The following GUCA1C variants were observed in gnomAD, a reference collection of about 807,000 sequenced individuals.
The protein encoded by GUCA1C is guanylate cyclase activator 1C, also known as guanylyl cyclase-activating protein 3.
In GUCA1C, 15 loss-of-function variants were observed where a neutral mutation model predicts 16.2. The ratio of observed to expected loss-of-function variants is 0.93; its 90% confidence interval spans 0.62 to 1.43. The LOEUF (loss-of-function observed/expected upper bound fraction) is 1.43. Ranked by LOEUF, GUCA1C falls within the 40% of genes most tolerant of loss-of-function variation. The probability of loss-of-function intolerance (pLI) is 0.00; values close to 1 mark genes in which losing one functional copy is unlikely to be tolerated. For synonymous variants in GUCA1C, 78 were observed against 85.4 expected (o/e 0.91, Z 0.48); for missense variants, 275 against 244.8 (o/e 1.12, Z -0.82).
In GUCA1C at chr3:108,920,736, A is replaced by T. The variant is rs112167709; in HGVS notation, c.205-151T>A. 4.1e-3 allele frequency: 2,273 copies of T among 550,010 alleles called. 43 individuals carry two copies. The highest frequency in any genetic ancestry group is 0.037 in the African/African-American group (1,884 of 50,624). The allele number at this position is 550,010 out of a possible 1,614,324, so 34.1% of individuals were successfully genotyped here. On this transcript the variant is annotated intron_variant, in intron 1 of 3. Transcript: ENST00000261047. Reference sequence around the variant, plus strand: ...AAAACTTTTCCCTAGTGTTTCATTTAAAAAAAAGTTTATAGACACAAGTGA... The same window carrying T: ...AAAACTTTTCCCTAGTGTTTCATTTTAAAAAAAGTTTATAGACACAAGTGA...
chr3:108,920,735 T>G (rs553660612), intron 1 of GUCA1C, 150 bp from the exon 2 acceptor site: 9 of 562,162 alleles, frequency 1.6e-5, no homozygotes, highest in Non-Finnish European at 2.5e-5. Flanking sequence ...GTGTTTCATT[T>G]AAAAAAAAGT....
At chr3:108,954,989 C>A (rs371037930), upstream of GUCA1C, among the ~76,000 whole-genome samples, 1 of 152,256 alleles carries the variant, frequency 6.6e-6, no homozygotes, top group East Asian at 1.9e-4. Context: ...GCCTCAGCCT[C>A]CCAAAGTGCT....
At chr3:108,923,761 T>C in intron 1 of GUCA1C, among the ~76,000 whole-genome samples, 1 of 152,340 alleles carries the variant, frequency 6.6e-6, no homozygotes. Context: ...ATTTTCACAA[T>C]ATTGATTCTA....
intron 3 of GUCA1C, among the ~76,000 whole-genome samples, chr3:108,911,776 G>C (rs1245410276): frequency 1.3e-5 from 2 of 152,010 alleles, no homozygotes; most frequent in Non-Finnish European, 2.9e-5. Flanking sequence ...TTTGTGTCCT[G>C]ACTTTGTTCT....
chr3:108,917,479 G>A (rs1946529303), intron 2 of GUCA1C, among the ~76,000 whole-genome samples: 2 of 152,044 alleles, frequency 1.3e-5, no homozygotes, highest in Admixed American at 6.6e-5. Context: ...TAGGCAAGAA[G>A]CTTTTTTTTC....
chr3:108,919,965 C>T (rs2107283681), intron 2 of GUCA1C, among the ~76,000 whole-genome samples: 1 of 152,212 alleles, frequency 6.6e-6, no homozygotes, highest in East Asian at 1.9e-4. Flanking sequence ...TATAAAGGCA[C>T]TTATTGAACT....
chr3:108,911,853 C>A (rs537348292), intron 3 of GUCA1C, among the ~76,000 whole-genome samples: 22 of 152,066 alleles, frequency 1.4e-4, no homozygotes, highest in Non-Finnish European at 2.5e-4. Context: ...TGCCTGTAAT[C>A]CCTGAACTTT....
chr3:108,952,475 C>G (rs1946904260), intron 1 of GUCA1C, among the ~76,000 whole-genome samples: 1 of 152,126 alleles, frequency 6.6e-6, no homozygotes, highest in Non-Finnish European at 1.5e-5. Flanking sequence ...ACCATAATGT[C>G]CTAAAGAAAT....
At chr3:108,950,099 C>T (rs1412093950) in intron 1 of GUCA1C, among the ~76,000 whole-genome samples, 1 of 152,210 alleles carries the variant, frequency 6.6e-6, no homozygotes, top group Non-Finnish European at 1.5e-5. Flanking sequence ...CTTCTATGAG[C>T]TTGACTTTCT....
intron 2 of GUCA1C, among the ~76,000 whole-genome samples, chr3:108,918,133 T>A (rs766620259): frequency 6.6e-6 from 1 of 152,242 alleles, no homozygotes; most frequent in Non-Finnish European, 1.5e-5. Flanking sequence ...CTGTGCACCG[T>A]TGAATACTTA....
At chr3:108,910,504 A>G (rs1946440537) in intron 3 of GUCA1C, among the ~76,000 whole-genome samples, 1 of 151,954 alleles carries the variant, frequency 6.6e-6, no homozygotes, top group African/African-American at 2.4e-5. Flanking sequence ...TGAAAAAAAA[A>G]AAAGGCAAAG....
At chr3:108,947,276 T>C (rs1380832095) in intron 1 of GUCA1C, among the ~76,000 whole-genome samples, 1 of 152,174 alleles carries the variant, frequency 6.6e-6, no homozygotes, top group Non-Finnish European at 1.5e-5. Flanking sequence ...TATTTACTAT[T>C]CTTTAAGTAG....
rs1289309602 is a variant in GUCA1C, at chr3:108,926,396, T to C, written c.205-5811A>G. On this transcript the variant is annotated intron_variant, in intron 1 of 3. Coordinates refer to ENST00000261047, the MANE Select transcript of GUCA1C (RefSeq NM_005459.4). ...TATTTATTCTGCCATTCTGCATCTT[T>C]TAAGTGGAGCATTTAGGCCATCTAT... 4.6e-5 allele frequency among the ~76,000 whole-genome samples: 7 copies of C among 152,220 alleles called. No homozygotes were observed. The East Asian group carries it at 1.3e-3, about 29-fold the overall frequency.
chr3:108,915,808 A>G (rs1946503957), intron 3 of GUCA1C: 1 of 361,994 alleles, frequency 2.8e-6, no homozygotes, highest in African/African-American at 2.1e-5. Flanking sequence ...GTGGAGAGGA[A>G]CTGATTAATA....
chr3:108,944,100 T>C (rs1220987426), intron 1 of GUCA1C, among the ~76,000 whole-genome samples: 2 of 152,240 alleles, frequency 1.3e-5, no homozygotes, highest in East Asian at 1.9e-4. Flanking sequence ...AAACTTCTTC[T>C]TGAGATAATT....
chr3:108,948,153 T>A (rs1946861133), intron 1 of GUCA1C, among the ~76,000 whole-genome samples: 1 of 152,180 alleles, frequency 6.6e-6, no homozygotes, highest in African/African-American at 2.4e-5. Flanking sequence ...TTTGGCTCTG[T>A]GTCCCCACCC....
At chr3:108,954,735 C>CTT (rs35104093), upstream of GUCA1C, among the ~76,000 whole-genome samples, 15 of 129,302 alleles carry the variant, frequency 1.2e-4, no homozygotes, top group South Asian at 2.5e-4. Flanking sequence ...TATAGTTCTC[C>CTT]TTTTTTTTTT....
upstream of GUCA1C, chr3:108,953,940 C>T (rs2075766): frequency 1.7e-6 from 1 of 584,096 alleles, no homozygotes; most frequent in African/African-American, 1.9e-5. Context: ...ACTTATCTGC[C>T]CAGTTTTAAA....
At chr3:108,919,149 TAATTA>T (rs1441320887) in intron 2 of GUCA1C, among the ~76,000 whole-genome samples, 5 of 152,180 alleles carry the variant, frequency 3.3e-5, no homozygotes, top group Non-Finnish European at 5.9e-5. Flanking sequence ...CTGATTAATT[TAATTA>T]GAGACGAATG....
Sources: gnomAD v4.1 joint callset for allele counts (sites outside exome capture counted in the v4.1 genomes callset) on GRCh38, gnomAD v4.1.1 for gene constraint, MANE v1.5 for transcripts, NCBI Gene and HGNC (gene_info 2026-07-23, HGNC 2026-07-21) for gene names.